The following LDB3 variants were observed in gnomAD, a reference collection of about 807,000 sequenced individuals.
The protein encoded by LDB3 is LIM domain-binding protein 3.
LDB3 carries 49 observed loss-of-function variants against 69.0 expected under a neutral mutation model. The ratio of observed to expected loss-of-function variants is 0.71; its 90% CI spans 0.56 to 0.90. The LOEUF (loss-of-function observed/expected upper bound fraction) is 0.90, where lower values mean the gene tolerates loss of function less well. LDB3 is among the 40% of genes least tolerant of loss of function. LDB3 has a pLI of 0.00. For missense variants in LDB3, 928 were observed against 974.1 expected (o/e 0.95, Z 0.63); for synonymous variants, 387 against 396.2 (o/e 0.98, Z 0.28).
chr10:86,699,353 A>G lies in LDB3; in HGVS notation c.896+6782A>G. ...ACTGGCACCATGGCCTTTCAGCCCA[A>G]ATCCTTAATGTTAAAAGCTAAAAGG... On this transcript the variant is annotated intron_variant, in intron 7 of 13. Coordinates refer to ENST00000361373, the MANE Select transcript of LDB3 (RefSeq NM_007078.3). This position sits in a 1 kb window ranked among gnomAD's most constrained non-coding sequence, Gnocchi z 4.9. 1 of 1,613,846 alleles carries G rather than the reference A, an allele frequency of 6.2e-7. No homozygotes were observed. The highest frequency in any genetic ancestry group is 8.5e-7 in the Non-Finnish European group (1 of 1,179,972).
At chr10:86,687,118 C>G in intron 5 of LDB3, 1 of 1,614,220 alleles carries the variant, frequency 6.2e-7, no homozygotes, top group Non-Finnish European at 8.5e-7. Flanking sequence ...GGACTCGGCC[C>G]TGTCCACCCA....
At chr10:86,672,229 G>A (rs776437732) in intron 2 of LDB3, among the ~76,000 whole-genome samples, 2 of 152,264 alleles carry the variant, frequency 1.3e-5, no homozygotes, top group Non-Finnish European at 2.9e-5. Flanking sequence ...TTGTGAGACT[G>A]GTGGAGTCGG....
chr10:86,699,612 C>G lies in LDB3; in HGVS notation c.897-6919C>G. On this transcript the variant is annotated intron_variant, in intron 7 of 13. Transcript: ENST00000361373. The surrounding 1 kb of genome is among the most constrained non-coding windows in gnomAD (Gnocchi z 4.9). ...CCCCAGGGCAACCCTCGCCACCCCC[C>G]AAATAGCCCGTAGCCCAATCCCCTG... 7.2e-7 allele frequency: 1 copy of G among 1,387,664 alleles called. No individual in the cohort carries two copies. The highest frequency in any genetic ancestry group is 1.5e-5 in the South Asian group (1 of 66,774). The allele number at this position is 1,387,664 out of a possible 1,614,324, so 86.0% of individuals were successfully genotyped here.
At position 86,716,603 on chromosome 10, in the gene LDB3, G is replaced by A. The variant is rs777459539; in HGVS notation, c.1508G>A (p.Gly503Asp). Reference sequence around the variant, plus strand: ...AGCTTCTCCCAGAAGTTTGCCCCGGGCAAGAGCACCACCTCCATCAGCAAG... The same window carrying A: ...AGCTTCTCCCAGAAGTTTGCCCCGGACAAGAGCACCACCTCCATCAGCAAG... Reference protein sequence around the residue: ...DDSFSQKFAPGKSTTSISKQT... With the variant: ...DDSFSQKFAPDKSTTSISKQT... Residue 503 changes from glycine (G) to aspartate (D), a missense_variant, in exon 10 of 14, where the codon GGC becomes GAC. Physicochemically the swap from Gly to Asp is moderately conservative, Grantham distance 94. Coordinates refer to ENST00000361373, the MANE Select transcript of LDB3 (RefSeq NM_007078.3). 5 of 1,613,682 alleles carry A rather than the reference G, an allele frequency of 3.1e-6. No homozygotes were observed. The highest frequency in any genetic ancestry group is 4.2e-6 in the Non-Finnish European group (5 of 1,179,932).
chr10:86,697,915 T>A (rs1156945032), intron 7 of LDB3, among the ~76,000 whole-genome samples: 5 of 152,216 alleles, frequency 3.3e-5, no homozygotes, highest in African/African-American at 9.7e-5. Flanking sequence ...TAAGAAATAA[T>A]AGAGATCCCT....
At chr10:86,676,235 G>C (rs992999095) in intron 2 of LDB3, among the ~76,000 whole-genome samples, 13 of 152,178 alleles carry the variant, frequency 8.5e-5, no homozygotes, top group African/African-American at 3.1e-4. Context: ...GCAGGGGAAG[G>C]GGCGCTGTGG....
intron 13 of LDB3, among the ~76,000 whole-genome samples, chr10:86,728,206 G>A (rs146710368): frequency 6.6e-6 from 1 of 152,174 alleles, no homozygotes; most frequent in East Asian, 1.9e-4. Context: ...CTTCTGGAAG[G>A]ATCCAAGAGA....
Position 86,726,205 on chromosome 10 carries a change from A to G in LDB3, c.2047A>G (p.Ile683Val). ...DFPVEAGDKF[I>V]EALGHTWHDT... is the part of the protein sequence containing the mutation. ...CCCCGTGGAGGCTGGCGACAAGTTTATCGAAGCCCTGGGCCACACTTGGCA... is the reference window on the plus strand; with the variant it reads ...CCCCGTGGAGGCTGGCGACAAGTTTGTCGAAGCCCTGGGCCACACTTGGCA... Residue 683 changes from isoleucine to valine, a missense_variant, in exon 13 of 14, where the codon ATC becomes GTC. Transcript: ENST00000361373. 1 of 1,614,094 alleles carries G rather than the reference A, an allele frequency of 6.2e-7. No individual in the cohort carries two copies.
At chr10:86,685,831 A>G in intron 5 of LDB3, 1 of 1,102,110 alleles carries the variant, frequency 9.1e-7, no homozygotes, top group South Asian at 1.2e-5. Flanking sequence ...AGTGGGGTAC[A>G]CTTGTACCCC....
rs755251937 is a variant in LDB3 at position 86,692,076 on chromosome 10, G to T, written c.859+11G>T. 6.2e-7 allele frequency: 1 copy of T among 1,613,806 alleles called. No homozygotes were observed. The highest frequency in any genetic ancestry group is 2.2e-5 in the East Asian group (1 of 44,878). Reference sequence around the variant, plus strand: ...CGGGGACAGAATTCAGTGAGTGCAGGCTCTCAGGGTGGCTGCAGAGGAGGG... The same window carrying T: ...CGGGGACAGAATTCAGTGAGTGCAGTCTCTCAGGGTGGCTGCAGAGGAGGG... On this transcript the variant is annotated intron_variant, in intron 6 of 13. Transcript: ENST00000361373.
At chr10:86,666,997 C>T (rs934698257), upstream of LDB3, 3 of 384,250 alleles carry the variant, frequency 7.8e-6, no homozygotes, top group East Asian at 1.5e-4. Flanking sequence ...GGATGAATGA[C>T]ATGGGGCTTT....
chr10:86,683,342 C>A (rs1200996303), intron 5 of LDB3, among the ~76,000 whole-genome samples: 3 of 152,252 alleles, frequency 2.0e-5, no homozygotes, highest in African/African-American at 7.2e-5. Context: ...GCATGATTTT[C>A]CCCATTTTAT....
Position 86,734,000 on chromosome 10 carries a change from G to C in LDB3, c.*1024G>C, listed in dbSNP as rs1317514877. The C allele has an allele frequency of 1.3e-5, 2 of 152,200 alleles. No individual in the cohort carries two copies. Among genetic ancestry groups the C allele is most frequent in the Non-Finnish European group, 2.9e-5 (2 of 68,058 alleles). The allele number at this position is 152,200 out of a possible 1,614,324, so 9.4% of individuals were successfully genotyped here. A position where few individuals can be genotyped will look rare whatever the true frequency, so the allele number is the denominator to read the frequency against. On this transcript the variant is annotated 3_prime_UTR_variant, in exon 14 of 14. Transcript: ENST00000361373. ...GTGTCTGAAACAGGATGGCAGAATA[G>C]GCTCACATGCCCAAACTCTGGGTGG... is the stretch of plus-strand genomic sequence containing the variant.
In LDB3 at chr10:86,699,458, G is replaced by T; in HGVS notation, c.896+6887G>T. On this transcript the variant is annotated intron_variant, in intron 7 of 13. Transcript: ENST00000361373. This position sits in a 1 kb window ranked among gnomAD's most constrained non-coding sequence, Gnocchi z 4.9. ...CACAGATCTGGCATGTGAGCCCCACGGTGATGCTTGACAATGTATAACTCT... is the reference window on the plus strand; with the variant it reads ...CACAGATCTGGCATGTGAGCCCCACTGTGATGCTTGACAATGTATAACTCT... The T allele has an allele frequency of 6.2e-7, 1 of 1,602,586 alleles. No homozygotes were observed. Among genetic ancestry groups the T allele is most frequent in the Non-Finnish European group, 8.5e-7 (1 of 1,175,992 alleles).
At chr10:86,687,333 T>C (rs1845538332) in intron 5 of LDB3, 27 of 1,498,194 alleles carry the variant, frequency 1.8e-5, no homozygotes, top group Non-Finnish European at 2.3e-5. Context: ...GTATGGGCCA[T>C]TGGGCACCAT....
rs1237476188 is a variant in LDB3 at position 86,733,398 on chromosome 10, A to T, written c.*422A>T. ...CCTGGCAAACAAATTGAAGTGCCAA[A>T]CAGCACTCGCTGCAGGGTATTTTTA... On this transcript the variant is annotated 3_prime_UTR_variant, in exon 14 of 14. Coordinates refer to ENST00000361373, the MANE Select transcript of LDB3 (RefSeq NM_007078.3). 1 of 248,568 alleles carries T rather than the reference A, an allele frequency of 4.0e-6. No individual in the cohort carries two copies. The highest frequency in any genetic ancestry group is 7.9e-6 in the Non-Finnish European group (1 of 126,946). The allele number at this position is 248,568 out of a possible 1,614,324, so 15.4% of individuals were successfully genotyped here.
chr10:86,693,430 C>T (rs1357347224), intron 7 of LDB3, among the ~76,000 whole-genome samples: 1 of 152,272 alleles, frequency 6.6e-6, no homozygotes, highest in Non-Finnish European at 1.5e-5. Context: ...GAGGCACCCT[C>T]CCATCCTGGG....
chr10:86,694,490 C>T (rs893302248), intron 7 of LDB3, among the ~76,000 whole-genome samples: 8 of 152,196 alleles, frequency 5.3e-5, no homozygotes, highest in African/African-American at 1.9e-4. Context: ...TCCCAGGCAA[C>T]TTCCCTCACC....
intron 9 of LDB3, among the ~76,000 whole-genome samples, chr10:86,712,933 C>G (rs79776854): frequency 6.6e-6 from 1 of 151,818 alleles, no homozygotes; most frequent in Non-Finnish European, 1.5e-5. Context: ...TGGTGGCGGG[C>G]GCCTGTAGTC....
Sources: allele counts gnomAD v4.1 joint callset (sites outside exome capture counted in the v4.1 genomes callset), GRCh38; gene constraint gnomAD v4.1.1; non-coding constraint Gnocchi (gnomAD v3.1); transcripts MANE v1.5; gene names NCBI Gene and HGNC (gene_info 2026-07-23, HGNC 2026-07-21).